SOX5: variants seen among roughly 807,000 people sequenced by gnomAD.
The protein encoded by SOX5 is transcription factor SOX-5.
SOX5 carries 9 observed loss-of-function variants against 92.0 expected under a neutral mutation model. That is an observed-to-expected ratio of 0.10 (90% confidence interval 0.06 to 0.17). The LOEUF is 0.17. Ranked by LOEUF, SOX5 falls within the 10% of genes least tolerant of loss-of-function variation. The probability of loss-of-function intolerance (pLI) is 1.00; values close to 1 mark genes in which losing one functional copy is unlikely to be tolerated. For synonymous variants in SOX5, 344 were observed against 336.3 expected, an observed-to-expected ratio of 1.02 and a Z score of -0.25; for missense variants, 642 against 944.5, an observed-to-expected ratio of 0.68 and a Z score of 4.20.
chr12:23,855,105 TAGG>T (rs2096672716), intron 2 of SOX5, among the ~76,000 whole-genome samples: 1 of 151,826 alleles, frequency 6.6e-6, no homozygotes, highest in Non-Finnish European at 1.5e-5. Context: ...AAAAACATAT[TAGG>T]AGGAGAAAAG....
chr12:24,502,804 G>A (rs913120124), intron 1 of SOX5, among the ~76,000 whole-genome samples: 2 of 152,172 alleles, frequency 1.3e-5, no homozygotes, highest in Non-Finnish European at 2.9e-5. Flanking sequence ...GTGGTAAAAC[G>A]AAGTATATCC....
At chr12:24,377,969 G>T (rs1307951219) in intron 1 of SOX5, among the ~76,000 whole-genome samples, 1 of 152,198 alleles carries the variant, frequency 6.6e-6, no homozygotes, top group African/African-American at 2.4e-5. Context: ...CGCATATGAG[G>T]TATTCCAGAC....
chr12:23,643,211 C>A (rs190567476), intron 7 of SOX5, among the ~76,000 whole-genome samples: 9 of 151,698 alleles, frequency 5.9e-5, no homozygotes, highest in Admixed American at 3.3e-4. Context: ...ATGACTGTTA[C>A]GTATGAGAGT....
chr12:24,206,103 A>C (rs1454023499), intron 4 of SOX5, among the ~76,000 whole-genome samples: 1 of 152,232 alleles, frequency 6.6e-6, no homozygotes, highest in Non-Finnish European at 1.5e-5. Context: ...TTTGTATATA[A>C]GTAAAAATAA....
intron 3 of SOX5, among the ~76,000 whole-genome samples, chr12:23,789,606 A>G (rs2095436525): frequency 6.6e-6 from 1 of 152,148 alleles, no homozygotes; most frequent in African/African-American, 2.4e-5. Context: ...AATATAGCCA[A>G]TGCTACCATT....
chr12:24,540,514 T>G (rs1266808952), intron 1 of SOX5, among the ~76,000 whole-genome samples: 1 of 152,166 alleles, frequency 6.6e-6, no homozygotes, highest in Non-Finnish European at 1.5e-5. Flanking sequence ...GGTGACAAAT[T>G]TCATAATTTG....
chr12:24,139,793 TG>T (rs1486634352), intron 4 of SOX5, among the ~76,000 whole-genome samples: 1 of 152,170 alleles, frequency 6.6e-6, no homozygotes, highest in African/African-American at 2.4e-5. Context: ...GGAAACTGCT[TG>T]GGGTGTTAAG....
chr12:24,316,903 T>C (rs10842322), intron 2 of SOX5, among the ~76,000 whole-genome samples: 42,806 of 151,992 alleles, frequency 0.28, 7,681 homozygotes, highest in East Asian at 0.58. Context: ...TGAAGCAGGA[T>C]TGAAAAAAAC....
chr12:23,675,466 A>G (rs1227385610), intron 6 of SOX5, among the ~76,000 whole-genome samples: 1 of 152,198 alleles, frequency 6.6e-6, no homozygotes, highest in Non-Finnish European at 1.5e-5. Flanking sequence ...AGTCTCTTCA[A>G]TAAATGGTGC....
At chr12:23,916,720 G>A (rs1170202880) in intron 1 of SOX5, among the ~76,000 whole-genome samples, 2 of 151,982 alleles carry the variant, frequency 1.3e-5, no homozygotes, top group Non-Finnish European at 2.9e-5. Context: ...TAGCCTTTCC[G>A]GTTCTTAGAA....
intron 1 of SOX5, among the ~76,000 whole-genome samples, chr12:24,440,991 T>G (rs567175170): frequency 1.3e-5 from 2 of 152,164 alleles, no homozygotes; most frequent in Non-Finnish European, 2.9e-5. Context: ...GTTCATGCAT[T>G]CTCCTCTTAC....
rs1235681024 is a variant in SOX5, at chr12:23,790,546, T to TCACA, written c.482-34823_482-34822insTGTG. On this transcript the variant is annotated intron_variant, in intron 3 of 14. Transcript: ENST00000451604. ...CTCTCTCTCTCTCTCTCTCTCAATCTCTCACACACACACACACACACACAC... is the reference window on the plus strand; with the variant it reads ...CTCTCTCTCTCTCTCTCTCTCAATCTCACACTCACACACACACACACACACACAC... Among the ~76,000 whole-genome samples the TCACA allele has an allele frequency of 3.9e-3, 294 of 76,024 alleles. 3 individuals are homozygous for TCACA. The South Asian group carries it at 0.056, about 14-fold the overall frequency. The allele number at this position is 76,024 out of a possible 152,430, so 49.9% of individuals were successfully genotyped here. A position where few individuals can be genotyped will look rare whatever the true frequency, so the allele number is the denominator to read the frequency against.
At chr12:23,788,803 C>A (rs1305408907) in intron 3 of SOX5, among the ~76,000 whole-genome samples, 1 of 151,680 alleles carries the variant, frequency 6.6e-6, no homozygotes, top group Non-Finnish European at 1.5e-5. Context: ...TAATATATAT[C>A]AATTAAGCAC....
chr12:24,431,624 A>G (rs907176935), intron 1 of SOX5, among the ~76,000 whole-genome samples: 2 of 152,226 alleles, frequency 1.3e-5, no homozygotes, highest in Non-Finnish European at 2.9e-5. Context: ...ACATTGTTAA[A>G]TGGTGGTAGT....
intron 3 of SOX5, among the ~76,000 whole-genome samples, chr12:24,223,552 G>T (rs1263531100): frequency 6.6e-6 from 1 of 152,108 alleles, no homozygotes; most frequent in African/African-American, 2.4e-5. Context: ...CCAGCATTTT[G>T]AGACCAGCCT....
intron 1 of SOX5, among the ~76,000 whole-genome samples, chr12:24,435,234 C>A (rs994817699): frequency 1.3e-5 from 2 of 152,162 alleles, no homozygotes; most frequent in African/African-American, 4.8e-5. Context: ...AAGAAAGCTG[C>A]CTGTGCATGA....
intron 4 of SOX5, among the ~76,000 whole-genome samples, chr12:24,168,496 T>C (rs921400524): frequency 6.6e-6 from 1 of 152,198 alleles, no homozygotes; most frequent in Non-Finnish European, 1.5e-5. Context: ...TAAAATAAGC[T>C]GCTTTTATTT....
intron 1 of SOX5, among the ~76,000 whole-genome samples, chr12:24,440,928 G>T (rs1940450044): frequency 6.6e-6 from 1 of 152,152 alleles, no homozygotes. Context: ...GGATATCCTG[G>T]TGTTTAAGAA....
intron 2 of SOX5, among the ~76,000 whole-genome samples, chr12:24,297,779 A>C (rs1947445745): frequency 6.6e-6 from 1 of 152,206 alleles, no homozygotes; most frequent in Admixed American, 6.5e-5. Flanking sequence ...GCAAGGGAAT[A>C]CTGTACCAGC....
Sources: gnomAD v4.1 joint callset for allele counts (sites outside exome capture counted in the v4.1 genomes callset) on GRCh38, gnomAD v4.1.1 for gene constraint, MANE v1.5 for transcripts, NCBI Gene and HGNC (gene_info 2026-07-23, HGNC 2026-07-21) for gene names.